The following PDE7A variants were observed in gnomAD, a reference collection of about 807,000 sequenced individuals.
PDE7A encodes the protein phosphodiesterase 7A, also known as high affinity 3',5'-cyclic-AMP phosphodiesterase 7A.
PDE7A carries 39 observed loss-of-function variants against 64.3 expected under a neutral mutation model. That is an observed-to-expected ratio of 0.61 (90% CI 0.47 to 0.79). The LOEUF is 0.79. Ranked by LOEUF, PDE7A falls within the 30% of genes least tolerant of loss-of-function variation. The pLI is 0.00. For missense variants in PDE7A, 470 were observed against 582.8 expected, an observed-to-expected ratio of 0.81 and a Z score of 1.99; for synonymous variants, 203 against 206.8, an observed-to-expected ratio of 0.98 and a Z score of 0.16.
chr8:65,734,756 C>T (rs201373780), intron 7 of PDE7A, 38 bp downstream of exon 7: 4 of 1,160,096 alleles, frequency 3.4e-6, no homozygotes, highest in Non-Finnish European at 3.9e-6. Flanking sequence ...AAGGAATTTT[C>T]TTATGATTTT....
At chr8:65,760,918 G>A (rs961798963) in intron 3 of PDE7A, among the ~76,000 whole-genome samples, 1 of 120,872 alleles carries the variant, frequency 8.3e-6, no homozygotes, top group Admixed American at 7.8e-5. Context: ...ACATCATTTA[G>A]GAATACAGGA....
intron 3 of PDE7A, among the ~76,000 whole-genome samples, chr8:65,754,277 T>C (rs993323068): frequency 5.3e-5 from 8 of 152,090 alleles, no homozygotes; most frequent in Non-Finnish European, 4.4e-5. Flanking sequence ...TGCGTCTGCC[T>C]TTCCCAGCCC....
In PDE7A at chr8:65,814,238, G is replaced by A. The variant is rs1810327003; in HGVS notation, c.138+27133C>T. ...GCTTAAAAAGGACTTTCGGCCGGGC[G>A]CGGTGGCTCACGCCTGTAATCCCAG... On this transcript the variant is annotated intron_variant, in intron 1 of 12. Transcript: ENST00000401827. Among the ~76,000 whole-genome samples the A allele has an allele frequency of 3.3e-5, 5 of 152,172 alleles. No individual in the cohort carries two copies. The South Asian group carries it at 6.2e-4, about 19-fold the overall frequency.
rs1050663751 is a variant in PDE7A at position 65,718,025 on chromosome 8, A to G, written c.*1265T>C. The G allele has an allele frequency of 7.2e-5, 11 of 152,240 alleles. No homozygotes were observed. The highest frequency in any genetic ancestry group is 1.5e-4 in the Non-Finnish European group (10 of 68,040). 9.4% of individuals were successfully genotyped at this position (152,240 alleles called of 1,614,324 possible). On this transcript the variant is annotated 3_prime_UTR_variant, in exon 13 of 13. Transcript: ENST00000401827. ...TCTGTTCACATCAAAAGGCCCGTCAAAGGGTAACGTTTCATCAAAGGGAGG... is the reference window on the plus strand; with the variant it reads ...TCTGTTCACATCAAAAGGCCCGTCAGAGGGTAACGTTTCATCAAAGGGAGG...
chr8:65,751,748 T>C (rs1807977722), intron 3 of PDE7A, among the ~76,000 whole-genome samples: 1 of 152,214 alleles, frequency 6.6e-6, no homozygotes, highest in African/African-American at 2.4e-5. Flanking sequence ...TGCCGCGGCC[T>C]CCCAAAATGC....
intron 1 of PDE7A, among the ~76,000 whole-genome samples, chr8:65,811,197 T>C (rs1810253363): frequency 6.6e-6 from 1 of 152,100 alleles, no homozygotes; most frequent in African/African-American, 2.4e-5. Flanking sequence ...AGCAGAAAAC[T>C]GATGACAAAC....
At chr8:65,796,170 G>A (rs779538325) in intron 1 of PDE7A, among the ~76,000 whole-genome samples, 5 of 150,898 alleles carry the variant, frequency 3.3e-5, no homozygotes, top group African/African-American at 4.9e-5. Flanking sequence ...GTGAGCCTGC[G>A]GGACAACATC....
chr8:65,732,051 C>T (rs757027445), intron 7 of PDE7A, among the ~76,000 whole-genome samples: 28 of 151,784 alleles, frequency 1.8e-4, no homozygotes, highest in African/African-American at 4.4e-4. Flanking sequence ...CAGGCTGGAA[C>T]GCAGTGGCAT....
At chr8:65,743,625 G>A (rs564717986) in intron 5 of PDE7A, among the ~76,000 whole-genome samples, 2 of 152,274 alleles carry the variant, frequency 1.3e-5, no homozygotes, top group Admixed American at 1.3e-4. Flanking sequence ...ATAATGGAGT[G>A]ATACTAAAAG....
In PDE7A at chr8:65,836,675, C is replaced by G. The variant is rs116934659; in HGVS notation, c.138+4696G>C. Among the ~76,000 whole-genome samples the G allele has an allele frequency of 4.5e-4, 69 of 152,304 alleles. 1 individual carries two copies. In the East Asian group the frequency reaches 0.013, roughly 28 times the overall value. ...GCTCATAGATTAACATGACTTCACT[C>G]TAGTTTATTGACAATACCTCTGCTC... On this transcript the variant is annotated intron_variant, in intron 1 of 12. Coordinates refer to ENST00000401827, the MANE Select transcript of PDE7A (RefSeq NM_001242318.3).
At chr8:65,746,963 A>G (rs1807701699) in intron 4 of PDE7A, among the ~76,000 whole-genome samples, 1 of 152,232 alleles carries the variant, frequency 6.6e-6, no homozygotes. Flanking sequence ...AATACATTGG[A>G]AATTTAATAT....
At chr8:65,825,715 T>C (rs895645580) in intron 1 of PDE7A, among the ~76,000 whole-genome samples, 2 of 152,152 alleles carry the variant, frequency 1.3e-5, no homozygotes, top group Non-Finnish European at 2.9e-5. Flanking sequence ...TCTGACATGG[T>C]ATGCATGAGA....
chr8:65,784,330 T>C (rs1300786022), intron 1 of PDE7A, among the ~76,000 whole-genome samples: 2 of 152,202 alleles, frequency 1.3e-5, no homozygotes, highest in Admixed American at 6.5e-5. Context: ...TGATTCTGTA[T>C]ATGATAAATA....
At chr8:65,739,251 T>C (rs1220034560) in intron 6 of PDE7A, among the ~76,000 whole-genome samples, 1 of 152,238 alleles carries the variant, frequency 6.6e-6, no homozygotes, top group Admixed American at 6.5e-5. Context: ...AGCTGAGGTC[T>C]CTACAAAACC....
At chr8:65,769,289 AT>A (rs1346394631) in intron 3 of PDE7A, among the ~76,000 whole-genome samples, 1 of 150,262 alleles carries the variant, frequency 6.7e-6, no homozygotes, top group Non-Finnish European at 1.5e-5. Context: ...GCATGCACAT[AT>A]TTTTTTTAAA....
At chr8:65,770,439 G>A (rs966206695) in intron 3 of PDE7A, among the ~76,000 whole-genome samples, 4 of 152,146 alleles carry the variant, frequency 2.6e-5, no homozygotes, top group African/African-American at 7.2e-5. Flanking sequence ...ATCAGATTTC[G>A]TGAGACTTAT....
At chr8:65,836,158 T>C (rs1471086664) in intron 1 of PDE7A, among the ~76,000 whole-genome samples, 1 of 152,218 alleles carries the variant, frequency 6.6e-6, no homozygotes, top group Non-Finnish European at 1.5e-5. Context: ...CTGGCCACAC[T>C]AGTCCCTGTA....
chr8:65,738,257 G>A (rs760658933), intron 6 of PDE7A, among the ~76,000 whole-genome samples: 2 of 138,224 alleles, frequency 1.4e-5, no homozygotes, highest in Non-Finnish European at 3.1e-5. Context: ...CTGTATATAA[G>A]CAAAATTGTA....
intron 5 of PDE7A, among the ~76,000 whole-genome samples, chr8:65,741,592 C>T (rs1807440180): frequency 6.6e-6 from 1 of 152,218 alleles, no homozygotes; most frequent in Admixed American, 6.5e-5. Context: ...CATTTCAAAT[C>T]TTACATTTTA....
Sources: allele counts gnomAD v4.1 joint callset (sites outside exome capture counted in the v4.1 genomes callset), GRCh38; gene constraint gnomAD v4.1.1; transcripts MANE v1.5; gene names NCBI Gene and HGNC (gene_info 2026-07-23, HGNC 2026-07-21).